The following PIK3R5 variants were observed in gnomAD, a reference collection of about 807,000 sequenced individuals.
PIK3R5 encodes the protein phosphoinositide-3-kinase regulatory subunit 5, also known as phosphoinositide 3-kinase regulatory subunit 5.
PIK3R5 carries 32 observed loss-of-function variants against 94.9 expected under a neutral mutation model. The ratio of observed to expected loss-of-function variants is 0.34; its 90% CI spans 0.25 to 0.45. PIK3R5 has a LOEUF of 0.45. Ranked by LOEUF, PIK3R5 falls within the 20% of genes least tolerant of loss-of-function variation. PIK3R5 has a pLI of 1.00. For missense variants in PIK3R5, 853 were observed against 1,144.6 expected (o/e 0.75, Z 3.68); for synonymous variants, 443 against 479.4 (o/e 0.92, Z 0.99).
intron 1 of PIK3R5, among the ~76,000 whole-genome samples, chr17:8,954,399 G>T (rs754313919): frequency 2.6e-5 from 4 of 152,164 alleles, no homozygotes; most frequent in Non-Finnish European, 5.9e-5. Flanking sequence ...CAGTTTCTTC[G>T]CCTTACTCCC....
chr17:8,889,106 G>A lies in PIK3R5; in HGVS notation c.895+33C>T, dbSNP rs756463296. On this transcript the variant is annotated intron_variant, in intron 9 of 18. Transcript: ENST00000447110. The surrounding 1 kb of genome is among the most constrained non-coding windows in gnomAD (Gnocchi z 4.1). Reference sequence around the variant, plus strand: ...CAGAAACACAGCTCAGGCAGTGTGGGGCATGGGTGTCACCAGGGCCCCGGC... The same window carrying A: ...CAGAAACACAGCTCAGGCAGTGTGGAGCATGGGTGTCACCAGGGCCCCGGC... 6.3e-7 allele frequency: 1 copy of A among 1,597,726 alleles called. No individual in the cohort carries two copies. Among genetic ancestry groups the A allele is most frequent in the Non-Finnish European group, 8.6e-7 (1 of 1,168,930 alleles).
At chr17:8,913,945 T>G (rs1298538380) in intron 1 of PIK3R5, among the ~76,000 whole-genome samples, 1 of 152,184 alleles carries the variant, frequency 6.6e-6, no homozygotes. Context: ...GCACCTGGCA[T>G]GGATGAGCAT....
At chr17:8,906,632 C>T (rs1407988171) in intron 3 of PIK3R5, among the ~76,000 whole-genome samples, 1 of 152,070 alleles carries the variant, frequency 6.6e-6, no homozygotes. Context: ...CTTGTAATCT[C>T]AACACTTTGG....
At position 8,909,471 on chromosome 17, in the gene PIK3R5, TAG is replaced by T. The variant is rs2090476499; in HGVS notation, c.104-299_104-298del. Reference sequence around the variant, plus strand: ...CACCCAGCTAATTTTTGTATTTTAGTAGAGATGGGGTTTCACCATGTTGGCCA... The same window carrying T: ...CACCCAGCTAATTTTTGTATTTTAGTAGATGGGGTTTCACCATGTTGGCCA... On this transcript the variant is annotated intron_variant, in intron 2 of 18. Transcript: ENST00000447110. This position sits in a 1 kb window ranked among gnomAD's most constrained non-coding sequence, Gnocchi z 4.3. Among the ~76,000 whole-genome samples, 2 of 152,116 alleles carry T rather than the reference TAG, an allele frequency of 1.3e-5. No individual in the cohort carries two copies.
chr17:8,887,835 CA>C (rs35014801), intron 10 of PIK3R5, 152 bp from the exon 11 acceptor site: 133,561 of 391,930 alleles, frequency 0.34, 4,943 homozygotes, highest in Non-Finnish European at 0.37. Flanking sequence ...TCTACTAAGA[CA>C]AAAAAAAAAA....
At position 8,890,972 on chromosome 17, in the gene PIK3R5, CA is replaced by C; in HGVS notation, c.483-61del. 6.5e-7 allele frequency: 1 copy of C among 1,531,068 alleles called. No homozygotes were observed. The highest frequency in any genetic ancestry group is 8.8e-7 in the Non-Finnish European group (1 of 1,130,470). The allele number at this position is 1,531,068 out of a possible 1,614,324, so 94.8% of individuals were successfully genotyped here. A position where few individuals can be genotyped will look rare whatever the true frequency, so the allele number is the denominator to read the frequency against. ...GGTGCGCAGCATGCCACAGTGCAGC[CA>C]CCCCCCTCGTGCCTGCTGGTGCTCA... is the stretch of plus-strand genomic sequence containing the variant. On this transcript the variant is annotated intron_variant, in intron 6 of 18. Coordinates refer to ENST00000447110, the MANE Select transcript of PIK3R5 (RefSeq NM_001142633.3). The surrounding 1 kb of genome is among the most constrained non-coding windows in gnomAD (Gnocchi z 6.1).
chr17:8,948,896 G>A (rs1339736279), intron 1 of PIK3R5, among the ~76,000 whole-genome samples: 5 of 152,102 alleles, frequency 3.3e-5, no homozygotes, highest in Non-Finnish European at 7.4e-5. Context: ...TACCCAGTGG[G>A]TTAGGTGTCC....
rs1382816391 is a variant in PIK3R5, at chr17:8,911,723, G to A, written c.-13-216C>T. 1.9e-6 allele frequency: 1 copy of A among 518,390 alleles called. No homozygotes were observed. Among genetic ancestry groups the A allele is most frequent in the Non-Finnish European group, 3.5e-6 (1 of 286,154 alleles). 32.1% of individuals were successfully genotyped at this position (518,390 alleles called of 1,614,324 possible). On this transcript the variant is annotated intron_variant, in intron 1 of 18. Coordinates refer to ENST00000447110, the MANE Select transcript of PIK3R5 (RefSeq NM_001142633.3). This position sits in a 1 kb window ranked among gnomAD's most constrained non-coding sequence, Gnocchi z 5.3. ...CTGAGTGGCAGGACAGAGCACCCCTGCAGCAGAACGGGACAGAGGTGTGGG... is the reference window on the plus strand; with the variant it reads ...CTGAGTGGCAGGACAGAGCACCCCTACAGCAGAACGGGACAGAGGTGTGGG...
chr17:8,890,841 G>A lies in PIK3R5; in HGVS notation c.554C>T (p.Pro185Leu). ...GTAGGCACTGTGAGGCGAGTGTCCG[G>A]GCGTACTCAGCTTATTGGCTACAGC... ...FLAVANKLSTPGHSPHSAYTT... is the reference protein window; with the variant it reads ...FLAVANKLSTLGHSPHSAYTT... The change falls in exon 7 of 19, where the codon CCC becomes CTC. Residue 185 changes from proline (P) to leucine (L), a missense_variant. Physicochemically the swap from Pro to Leu is moderately conservative, Grantham distance 98. Around this residue, in one of 6 missense-constraint regions of PIK3R5, gnomAD observed 161 missense variants for 249.5 expected, o/e 0.65. Transcript: ENST00000447110. This position sits in a 1 kb window ranked among gnomAD's most constrained non-coding sequence, Gnocchi z 6.1. The A allele has an allele frequency of 6.2e-7, 1 of 1,613,564 alleles. No individual in the cohort carries two copies. The highest frequency in any genetic ancestry group is 1.1e-5 in the South Asian group (1 of 90,894).
intron 1 of PIK3R5, among the ~76,000 whole-genome samples, chr17:8,939,424 C>G (rs1220879016): frequency 6.6e-6 from 1 of 152,186 alleles, no homozygotes; most frequent in Non-Finnish European, 1.5e-5. Context: ...CACTGAAATA[C>G]AATGGTCAAA....
At chr17:8,933,584 C>A (rs1049285248) in intron 1 of PIK3R5, among the ~76,000 whole-genome samples, 1 of 152,108 alleles carries the variant, frequency 6.6e-6, no homozygotes, top group Non-Finnish European at 1.5e-5. Flanking sequence ...CAAAACCAGA[C>A]AAGAACACTA....
intron 1 of PIK3R5, among the ~76,000 whole-genome samples, chr17:8,946,746 C>T (rs2091279362): frequency 6.6e-6 from 1 of 152,124 alleles, no homozygotes; most frequent in African/African-American, 2.4e-5. Flanking sequence ...ACTCCTGCCT[C>T]TCCTGCCTCA....
chr17:8,887,388 G>A, intron 11 of PIK3R5, 133 bp downstream of exon 11: 5 of 1,314,256 alleles, frequency 3.8e-6, no homozygotes, highest in Non-Finnish European at 5.2e-6. Flanking sequence ...ATGTCCAAGT[G>A]CAGGGAGTGA....
chr17:8,920,568 C>T (rs574019669), intron 1 of PIK3R5, among the ~76,000 whole-genome samples: 54 of 152,332 alleles, frequency 3.5e-4, no homozygotes, highest in African/African-American at 1.3e-3. Context: ...CAGCTGCTCT[C>T]CTCAAGGCTA....
chr17:8,902,033 AT>A (rs2090294768), intron 5 of PIK3R5, among the ~76,000 whole-genome samples: 1 of 151,354 alleles, frequency 6.6e-6, no homozygotes, highest in Admixed American at 6.6e-5. Flanking sequence ...CAGCGCTGGC[AT>A]TTTTGTTCTT....
intron 5 of PIK3R5, among the ~76,000 whole-genome samples, chr17:8,897,032 G>T (rs2090166546): frequency 6.6e-6 from 1 of 152,204 alleles, no homozygotes; most frequent in South Asian, 2.1e-4. Context: ...ACTCCCCACA[G>T]CAGGGTTTCT....
Position 8,884,260 on chromosome 17 carries a change from T to G in PIK3R5, c.2205+447A>C, listed in dbSNP as rs553343727. The stretch of plus-strand genomic sequence containing the variant: ...ACCTGCTCAGAGAACTCATGTCTTC[T>G]GGCATGTCATGGACAGCCCTCCACC... On this transcript the variant is annotated intron_variant, in intron 15 of 18. Transcript: ENST00000447110. This position sits in a 1 kb window ranked among gnomAD's most constrained non-coding sequence, Gnocchi z 5.8. 6.6e-6 allele frequency among the ~76,000 whole-genome samples: 1 copy of G among 152,256 alleles called. No individual in the cohort carries two copies. Among genetic ancestry groups the G allele is most frequent in the Admixed American group, 6.5e-5 (1 of 15,302 alleles).
chr17:8,958,760 CT>C (rs551580901), intron 1 of PIK3R5, among the ~76,000 whole-genome samples: 107 of 143,970 alleles, frequency 7.4e-4, no homozygotes, highest in Admixed American at 1.3e-3. Flanking sequence ...TTCTCTCTCT[CT>C]TTTTTTTTTT....
In PIK3R5 at chr17:8,909,566, C is replaced by T. The variant is rs1018694169; in HGVS notation, c.104-392G>A. On this transcript the variant is annotated intron_variant, in intron 2 of 18. Coordinates refer to ENST00000447110, the MANE Select transcript of PIK3R5 (RefSeq NM_001142633.3). This position sits in a 1 kb window ranked among gnomAD's most constrained non-coding sequence, Gnocchi z 4.3. The stretch of plus-strand genomic sequence containing the variant: ...ACTCCCAAAGTGCTGGGATTATAGG[C>T]GTGAGCCACTGCACCCGGCCTGGAA... Among the ~76,000 whole-genome samples, 1 of 152,176 alleles carries T rather than the reference C, an allele frequency of 6.6e-6. No individual in the cohort carries two copies. Among genetic ancestry groups the T allele is most frequent in the African/African-American group, 2.4e-5 (1 of 41,450 alleles).
Sources: gnomAD v4.1 joint callset for allele counts (sites outside exome capture counted in the v4.1 genomes callset) on GRCh38, gnomAD v4.1.1 for gene constraint, gnomAD v4.1.1 regional missense constraint, Gnocchi (gnomAD v3.1) non-coding constraint, MANE v1.5 for transcripts, NCBI Gene and HGNC (gene_info 2026-07-23, HGNC 2026-07-21) for gene names.